The following PLXNA4 variants were observed in gnomAD, a reference collection of about 807,000 sequenced individuals.
PLXNA4 encodes plexin A4.
A neutral mutation model predicts 191.8 loss-of-function variants in PLXNA4; 44 were observed. The ratio of observed to expected loss-of-function variants is 0.23; its 90% confidence interval spans 0.18 to 0.29. The LOEUF is 0.29. PLXNA4 is among the 10% of genes least tolerant of loss of function. The pLI is 1.00. For synonymous variants in PLXNA4, 1,082 were observed against 1,009.5 expected, an observed-to-expected ratio of 1.07 and a Z score of -1.36; for missense variants, 1,800 against 2,488.8, an observed-to-expected ratio of 0.72 and a Z score of 5.89.
intron 3 of PLXNA4, among the ~76,000 whole-genome samples, chr7:132,465,425 A>G (rs1796663116): frequency 6.6e-6 from 1 of 152,202 alleles, no homozygotes; most frequent in Non-Finnish European, 1.5e-5. Flanking sequence ...AACTCTAAAA[A>G]GTTTTACAAT....
chr7:132,200,766 T>G (rs1797407358), intron 12 of PLXNA4, among the ~76,000 whole-genome samples: 1 of 152,202 alleles, frequency 6.6e-6, no homozygotes, highest in Non-Finnish European at 1.5e-5. Context: ...GTATGAAGTC[T>G]CACCATTGTA....
intron 3 of PLXNA4, among the ~76,000 whole-genome samples, chr7:132,406,818 C>T (rs1489619984): frequency 6.6e-6 from 1 of 152,002 alleles, no homozygotes; most frequent in African/African-American, 2.4e-5. Flanking sequence ...TAAGAAGGGC[C>T]AAGTTCAAAT....
intron 3 of PLXNA4, among the ~76,000 whole-genome samples, chr7:132,380,440 A>G (rs1804846285): frequency 6.6e-6 from 1 of 151,048 alleles, no homozygotes; most frequent in African/African-American, 2.5e-5. Flanking sequence ...ATGGAATCAG[A>G]GAACCCGCCC....
chr7:132,279,043 CA>C (rs1408579606), intron 4 of PLXNA4, among the ~76,000 whole-genome samples: 1 of 152,186 alleles, frequency 6.6e-6, no homozygotes, highest in East Asian at 1.9e-4. Context: ...AGTAAGCTCC[CA>C]GAGGGTATAG....
At chr7:132,320,806 C>T (rs1345070215) in intron 3 of PLXNA4, among the ~76,000 whole-genome samples, 3 of 152,174 alleles carry the variant, frequency 2.0e-5, no homozygotes, top group African/African-American at 7.2e-5. Context: ...AATCTCTAGC[C>T]TTGCGCAGAC....
intron 4 of PLXNA4, among the ~76,000 whole-genome samples, chr7:132,270,085 T>C (rs556772283): frequency 6.6e-6 from 1 of 152,310 alleles, no homozygotes; most frequent in South Asian, 2.1e-4. Flanking sequence ...GAAACCACTA[T>C]ACGTAAAGAG....
chr7:132,297,180 G>T (rs747203717), intron 4 of PLXNA4, among the ~76,000 whole-genome samples: 15 of 152,112 alleles, frequency 9.9e-5, no homozygotes, highest in Non-Finnish European at 1.8e-4. Context: ...AAAGAGGGGA[G>T]ATCTGCCCCT....
At chr7:132,399,587 T>G (rs1793904914) in intron 3 of PLXNA4, among the ~76,000 whole-genome samples, 1 of 152,052 alleles carries the variant, frequency 6.6e-6, no homozygotes, top group Non-Finnish European at 1.5e-5. Flanking sequence ...GGGAAGAGTG[T>G]TCCAGAAGCA....
At chr7:132,533,615 T>C (rs1799711753) in intron 1 of PLXNA4, among the ~76,000 whole-genome samples, 1 of 152,248 alleles carries the variant, frequency 6.6e-6, no homozygotes, top group South Asian at 2.1e-4. Flanking sequence ...CTCCTTTTGC[T>C]CTGCTAGTCT....
chr7:132,517,956 A>G (rs1799005208), intron 1 of PLXNA4, among the ~76,000 whole-genome samples: 1 of 152,212 alleles, frequency 6.6e-6, no homozygotes, highest in South Asian at 2.1e-4. Context: ...TGCATTCAAC[A>G]TAGCGTCTTC....
intron 16 of PLXNA4, among the ~76,000 whole-genome samples, chr7:132,184,352 G>A (rs1362501318): frequency 6.6e-6 from 1 of 152,238 alleles, no homozygotes; most frequent in African/African-American, 2.4e-5. Flanking sequence ...CACTGGGCTG[G>A]TAAGCAGTGG....
intron 1 of PLXNA4, among the ~76,000 whole-genome samples, chr7:132,558,689 A>G (rs896239984): frequency 6.6e-6 from 1 of 152,236 alleles, no homozygotes; most frequent in East Asian, 1.9e-4. Context: ...GGGGCCAATG[A>G]CAGCCAAGAT....
intron 1 of PLXNA4, among the ~76,000 whole-genome samples, chr7:132,565,725 T>G (rs1292269259): frequency 6.6e-6 from 1 of 152,112 alleles, no homozygotes; most frequent in Non-Finnish European, 1.5e-5. Context: ...CCCAAAGCTC[T>G]GCTATATCCT....
chr7:132,455,473 G>A (rs546845794), intron 3 of PLXNA4, among the ~76,000 whole-genome samples: 6 of 151,956 alleles, frequency 3.9e-5, no homozygotes, highest in East Asian at 1.9e-4. Flanking sequence ...AGGGCCGCTC[G>A]AATTGACACT....
chr7:132,240,388 T>C (rs539813968), intron 5 of PLXNA4, among the ~76,000 whole-genome samples: 4 of 152,342 alleles, frequency 2.6e-5, no homozygotes, highest in South Asian at 4.1e-4. Flanking sequence ...CATTGCCTTC[T>C]TCCCTCTTCT....
intron 1 of PLXNA4, among the ~76,000 whole-genome samples, chr7:132,513,991 T>C (rs1798839989): frequency 6.6e-6 from 1 of 151,250 alleles, no homozygotes; most frequent in Non-Finnish European, 1.5e-5. Flanking sequence ...CTCTTCTTAA[T>C]GAAATAAAAT....
At chr7:132,221,142 T>C (rs970553764) in intron 9 of PLXNA4, among the ~76,000 whole-genome samples, 17 of 152,166 alleles carry the variant, frequency 1.1e-4, no homozygotes, top group Non-Finnish European at 1.9e-4. Flanking sequence ...GGCCTTATTT[T>C]ATTCCCTTCT....
At chr7:132,131,843 G>A (rs1272411876) in intron 31 of PLXNA4, among the ~76,000 whole-genome samples, 1 of 152,234 alleles carries the variant, frequency 6.6e-6, no homozygotes, top group Admixed American at 6.5e-5. Context: ...CCTCCCCTAA[G>A]GGACCCAGCA....
chr7:132,165,580 G>A (rs151065750), intron 22 of PLXNA4, among the ~76,000 whole-genome samples: 1 of 152,344 alleles, frequency 6.6e-6, no homozygotes, highest in Non-Finnish European at 1.5e-5. Flanking sequence ...AAATGTGGCA[G>A]CATGTCTGAG....
Sources: allele counts gnomAD v4.1 joint callset (sites outside exome capture counted in the v4.1 genomes callset), GRCh38; gene constraint gnomAD v4.1.1; transcripts MANE v1.5; gene names NCBI Gene and HGNC (gene_info 2026-07-23, HGNC 2026-07-21).